The following LRP1B variants were observed in gnomAD, a reference collection of about 807,000 sequenced individuals.
LRP1B encodes the protein low-density lipoprotein receptor-related protein 1B.
A neutral mutation model predicts 556.6 loss-of-function variants in LRP1B; 217 were observed. The observed-to-expected ratio is 0.39, with a 90% CI of 0.35 to 0.44. LRP1B has a LOEUF of 0.44. Among genes scored for constraint, LRP1B ranks in the 20% least tolerant of loss-of-function variants. The pLI is 1.00. For synonymous variants in LRP1B, 2,047 were observed against 1,865.8 expected (o/e 1.10, Z -2.50); for missense variants, 5,053 against 5,620.8 (o/e 0.90, Z 3.23).
At chr2:140,687,302 G>A (rs183204106) in intron 41 of LRP1B, among the ~76,000 whole-genome samples, 1 of 152,212 alleles carries the variant, frequency 6.6e-6, no homozygotes, top group Non-Finnish European at 1.5e-5. Context: ...TATCAGTGAA[G>A]TACAGGACTA....
chr2:140,986,706 A>G (rs982241235), intron 17 of LRP1B, among the ~76,000 whole-genome samples: 1 of 152,178 alleles, frequency 6.6e-6, no homozygotes, highest in African/African-American at 2.4e-5. Context: ...ATATTGCATT[A>G]GAATAGCCTG....
In LRP1B at chr2:140,650,550, T is replaced by C. The variant is rs528547635; in HGVS notation, c.6800-48911A>G. 4.2e-4 allele frequency among the ~76,000 whole-genome samples: 64 copies of C among 152,148 alleles called. No individual in the cohort carries two copies. In the South Asian group the frequency reaches 8.9e-3, roughly 21 times the overall value. ...TTTTAGAAGAGACGGTGTTTCACCATGTTGGCCAGGTTGGTCTCAAACTCC... is the reference window on the plus strand; with the variant it reads ...TTTTAGAAGAGACGGTGTTTCACCACGTTGGCCAGGTTGGTCTCAAACTCC... On this transcript the variant is annotated intron_variant, in intron 41 of 90. Transcript: ENST00000389484.
At chr2:141,441,744 G>A (rs1027716526) in intron 3 of LRP1B, among the ~76,000 whole-genome samples, 2 of 152,108 alleles carry the variant, frequency 1.3e-5, no homozygotes, top group African/African-American at 4.8e-5. Flanking sequence ...GTCACTGTTA[G>A]CAGTGTAGTC....
chr2:140,800,723 T>G (rs1477018844), intron 32 of LRP1B, among the ~76,000 whole-genome samples: 4 of 152,164 alleles, frequency 2.6e-5, no homozygotes, highest in African/African-American at 9.7e-5. Flanking sequence ...ATTTTTGTTT[T>G]TGTTTTCCTT....
chr2:140,512,210 T>A (rs2104924790), intron 51 of LRP1B, among the ~76,000 whole-genome samples: 1 of 152,306 alleles, frequency 6.6e-6, no homozygotes, highest in East Asian at 1.9e-4. Flanking sequence ...TGGGTATGAC[T>A]AGATCATTAC....
At chr2:140,366,489 A>G (rs1360547363) in intron 71 of LRP1B, among the ~76,000 whole-genome samples, 1 of 151,710 alleles carries the variant, frequency 6.6e-6, no homozygotes, top group Non-Finnish European at 1.5e-5. Flanking sequence ...TGAGCTGTAA[A>G]TGTGCATCTG....
At chr2:141,450,267 A>G (rs1363077555) in intron 3 of LRP1B, among the ~76,000 whole-genome samples, 1 of 152,206 alleles carries the variant, frequency 6.6e-6, no homozygotes, top group African/African-American at 2.4e-5. Context: ...ACAAGCTAAT[A>G]GTGAATAAGA....
intron 59 of LRP1B, among the ~76,000 whole-genome samples, chr2:140,483,594 A>T (rs1688329494): frequency 7.2e-6 from 1 of 139,054 alleles, no homozygotes; most frequent in African/African-American, 2.7e-5. Flanking sequence ...ACACATATAT[A>T]TAGACACACA....
intron 23 of LRP1B, among the ~76,000 whole-genome samples, chr2:140,887,871 A>T: frequency 6.6e-6 from 1 of 152,158 alleles, no homozygotes. Context: ...AAAATAGATC[A>T]GTGGTTTCTA....
intron 3 of LRP1B, among the ~76,000 whole-genome samples, chr2:141,460,936 G>T (rs1466844068): frequency 2.6e-5 from 4 of 151,932 alleles, no homozygotes; most frequent in Non-Finnish European, 5.9e-5. Flanking sequence ...TTAGAACTTG[G>T]GTCTGTTGAG....
chr2:140,774,986 G>T (rs530896326), intron 33 of LRP1B, among the ~76,000 whole-genome samples: 18 of 152,062 alleles, frequency 1.2e-4, no homozygotes, highest in Non-Finnish European at 2.5e-4. Context: ...GTGAATCTAT[G>T]AACATTCATA....
intron 2 of LRP1B, among the ~76,000 whole-genome samples, chr2:141,485,934 T>C (rs1430158093): frequency 6.6e-6 from 1 of 152,118 alleles, no homozygotes; most frequent in Non-Finnish European, 1.5e-5. Context: ...ATTACCTCTG[T>C]AGTGACTGAA....
chr2:140,257,850 C>T (rs1681762573), intron 86 of LRP1B, among the ~76,000 whole-genome samples: 1 of 152,146 alleles, frequency 6.6e-6, no homozygotes, highest in Admixed American at 6.5e-5. Flanking sequence ...TTTGAAATCA[C>T]TCATGACAAC....
At position 141,373,067 on chromosome 2, in the gene LRP1B, T is replaced by A. The variant is rs187977493; in HGVS notation, c.343+107329A>T. Among the ~76,000 whole-genome samples, 205 of 152,208 alleles carry A rather than the reference T, an allele frequency of 1.3e-3. 1 individual carries two copies. The highest frequency in any genetic ancestry group is 4.7e-3 in the African/African-American group (194 of 41,574). On this transcript the variant is annotated intron_variant, in intron 3 of 90. Transcript: ENST00000389484. ...TCATTTTCATTTGTTCCAAAATTTT[T>A]AAAAAATTTCTGTCTTAATTTCTTA...
chr2:140,764,426 C>T (rs1436927480), intron 35 of LRP1B, among the ~76,000 whole-genome samples: 1 of 152,028 alleles, frequency 6.6e-6, no homozygotes, highest in Non-Finnish European at 1.5e-5. Flanking sequence ...CCCTTGATCT[C>T]TTTGGTTTCC....
At chr2:140,294,804 G>A (rs1283914791) in intron 84 of LRP1B, among the ~76,000 whole-genome samples, 1 of 152,152 alleles carries the variant, frequency 6.6e-6, no homozygotes, top group Non-Finnish European at 1.5e-5. Flanking sequence ...GAGATAGTCT[G>A]CTGTGTTGTG....
chr2:140,344,471 T>A (rs115735805), intron 77 of LRP1B, among the ~76,000 whole-genome samples: 2,252 of 151,056 alleles, frequency 0.015, 90 homozygotes, highest in African/African-American at 0.053. Context: ...AAAGCTAATA[T>A]AAAGTAGCCA....
rs369216754 is a variant in LRP1B at position 141,378,920 on chromosome 2, C to G, written c.343+101476G>C. On this transcript the variant is annotated intron_variant, in intron 3 of 90. Coordinates refer to ENST00000389484, the MANE Select transcript of LRP1B (RefSeq NM_018557.3). ...ACAACCACTCATATAACGGAAATCC[C>G]AGAAAGAAAGGAGACGAACAGGGAA... Among the ~76,000 whole-genome samples the G allele has an allele frequency of 2.6e-5, 4 of 152,084 alleles. No individual in the cohort carries two copies. The East Asian group carries it at 5.8e-4, about 22-fold the overall frequency.
intron 32 of LRP1B, among the ~76,000 whole-genome samples, chr2:140,778,235 A>G (rs1279406979): frequency 6.6e-6 from 1 of 152,186 alleles, no homozygotes; most frequent in African/African-American, 2.4e-5. Flanking sequence ...TTCATAGAAC[A>G]TCATTTTATC....
Sources: gnomAD v4.1 joint callset for allele counts (sites outside exome capture counted in the v4.1 genomes callset) on GRCh38, gnomAD v4.1.1 for gene constraint, MANE v1.5 for transcripts, NCBI Gene and HGNC (gene_info 2026-07-23, HGNC 2026-07-21) for gene names.